RPA3: variants seen among roughly 807,000 people sequenced by gnomAD.
RPA3 encodes the protein replication protein A 14 kDa subunit.
A neutral mutation model predicts 13.7 loss-of-function variants in RPA3; 24 were observed. That is an observed-to-expected ratio of 1.75 (90% CI 1.27 to 2.46). The LOEUF is 2.46. Ranked by LOEUF, RPA3 falls within the 30% of genes most tolerant of loss-of-function variation. The pLI is 0.00. For missense variants in RPA3, 183 were observed against 151.0 expected, an observed-to-expected ratio of 1.21 and a Z score of -1.11; for synonymous variants, 59 against 51.2, an observed-to-expected ratio of 1.15 and a Z score of -0.65.
rs1187878156 is a variant in RPA3 at position 7,645,190 on chromosome 7, G to T, written c.-757-4015C>A. On this transcript the variant is annotated intron_variant, in intron 4 of 7. Coordinates refer to ENST00000223129, the MANE Select transcript of RPA3 (RefSeq NM_002947.5). Reference sequence around the variant, plus strand: ...GAATAATTATAGTTTTGTTTCTTAAGAATTCTTACATATTTTATTTATCTT... The same window carrying T: ...GAATAATTATAGTTTTGTTTCTTAATAATTCTTACATATTTTATTTATCTT... Among the ~76,000 whole-genome samples the T allele has an allele frequency of 2.6e-5, 4 of 151,962 alleles. No homozygotes were observed. In the South Asian group the frequency reaches 6.2e-4, roughly 24 times the overall value.
At chr7:7,698,978 C>G (rs1583750129) in intron 2 of RPA3, among the ~76,000 whole-genome samples, 2 of 151,604 alleles carry the variant, frequency 1.3e-5, no homozygotes, top group Admixed American at 1.3e-4. Flanking sequence ...CTTCAGCCCC[C>G]CAAGTATCTG....
chr7:7,640,162 CA>C (rs1583681078), intron 5 of RPA3, 157 bp downstream of exon 5: 1 of 748,422 alleles, frequency 1.3e-6, no homozygotes, highest in East Asian at 2.6e-5. Context: ...AATGGGGCTA[CA>C]ACGGCTAAAG....
chr7:7,680,969 A>G (rs1483417474), intron 4 of RPA3, among the ~76,000 whole-genome samples: 2 of 152,166 alleles, frequency 1.3e-5, no homozygotes, highest in Non-Finnish European at 2.9e-5. Context: ...CATGGTTAGC[A>G]TATATCCACA....
chr7:7,654,128 A>G (rs981657502), intron 4 of RPA3, among the ~76,000 whole-genome samples: 1 of 152,240 alleles, frequency 6.6e-6, no homozygotes, highest in African/African-American at 2.4e-5. Context: ...CCATAGGACC[A>G]TAGGGCATTC....
intron 4 of RPA3, among the ~76,000 whole-genome samples, chr7:7,642,459 TG>T (rs1348905955): frequency 2.0e-5 from 2 of 102,284 alleles, no homozygotes; most frequent in East Asian, 5.5e-4. Context: ...GTGCGTACCC[TG>T]TAATAGTGAT....
At chr7:7,658,934 C>T (rs1371098389) in intron 4 of RPA3, among the ~76,000 whole-genome samples, 2 of 152,108 alleles carry the variant, frequency 1.3e-5, no homozygotes, top group African/African-American at 4.8e-5. Context: ...CCATCTGTTC[C>T]TGGACTTTTT....
chr7:7,668,206 C>T (rs550755420), intron 4 of RPA3, among the ~76,000 whole-genome samples: 1 of 152,248 alleles, frequency 6.6e-6, no homozygotes, highest in East Asian at 1.9e-4. Flanking sequence ...AGCCACCATG[C>T]CTGGTCCTAC....
intron 4 of RPA3, among the ~76,000 whole-genome samples, chr7:7,651,212 C>G (rs1038359609): frequency 6.6e-6 from 1 of 152,008 alleles, no homozygotes; most frequent in Non-Finnish European, 1.5e-5. Context: ...TACATAGAAA[C>G]CAGAAAGGAC....
intron 2 of RPA3, among the ~76,000 whole-genome samples, chr7:7,711,946 TC>T (rs1563145206): frequency 2.0e-5 from 3 of 152,148 alleles, no homozygotes; most frequent in African/African-American, 7.2e-5. Context: ...GGTATAGCGA[TC>T]CGATTTTAAT....
At chr7:7,701,425 T>C (rs1780459890) in intron 2 of RPA3, among the ~76,000 whole-genome samples, 2 of 152,226 alleles carry the variant, frequency 1.3e-5, no homozygotes, top group Admixed American at 1.3e-4. Context: ...AAATTAGTAA[T>C]ACTGGAACTG....
Position 7,654,124 on chromosome 7 carries a change from G to A in RPA3, c.-757-12949C>T, listed in dbSNP as rs1785288100. Among the ~76,000 whole-genome samples, 3 of 152,150 alleles carry A rather than the reference G, an allele frequency of 2.0e-5. No individual in the cohort carries two copies. In the South Asian group the frequency reaches 6.2e-4, roughly 32 times the overall value. On this transcript the variant is annotated intron_variant, in intron 4 of 7. Coordinates refer to ENST00000223129, the MANE Select transcript of RPA3 (RefSeq NM_002947.5). Reference sequence around the variant, plus strand: ...CCCTTCTTGATTCTGAAAACCATAGGACCATAGGGCATTCAATTAAAAAGA... The same window carrying A: ...CCCTTCTTGATTCTGAAAACCATAGAACCATAGGGCATTCAATTAAAAAGA...
chr7:7,658,284 T>G (rs1785392136), intron 4 of RPA3, among the ~76,000 whole-genome samples: 1 of 152,262 alleles, frequency 6.6e-6, no homozygotes, highest in African/African-American at 2.4e-5. Context: ...CCTCTTTTCC[T>G]ATTCGAATAC....
chr7:7,646,577 C>A (rs534643332), intron 4 of RPA3, among the ~76,000 whole-genome samples: 1 of 149,562 alleles, frequency 6.7e-6, no homozygotes, highest in African/African-American at 2.5e-5. Context: ...TCCCCAGCCA[C>A]GTGGAACTGT....
At chr7:7,679,925 T>C (rs1012262175) in intron 4 of RPA3, among the ~76,000 whole-genome samples, 1 of 151,916 alleles carries the variant, frequency 6.6e-6, no homozygotes, top group African/African-American at 2.4e-5. Flanking sequence ...GTTCCTTATA[T>C]ATACTGATTG....
intron 4 of RPA3, chr7:7,673,331 CAGCAG>C: frequency 1.7e-6 from 2 of 1,187,212 alleles, no homozygotes; most frequent in Non-Finnish European, 2.4e-6. Context: ...GCAGCAGCAG[CAGCAG>C]CAGCAGCAGC....
intron 4 of RPA3, among the ~76,000 whole-genome samples, chr7:7,663,656 T>C (rs1785532546): frequency 6.6e-6 from 1 of 152,198 alleles, no homozygotes; most frequent in Non-Finnish European, 1.5e-5. Flanking sequence ...AGAGAACTAG[T>C]GAGATACTGC....
intron 2 of RPA3, among the ~76,000 whole-genome samples, chr7:7,713,897 C>T (rs1780827166): frequency 6.6e-6 from 1 of 152,074 alleles, no homozygotes; most frequent in Admixed American, 6.5e-5. Context: ...GTGGTGTGAC[C>T]ACAGACAGCT....
intron 2 of RPA3, among the ~76,000 whole-genome samples, chr7:7,699,016 A>C (rs1338694584): frequency 1.4e-5 from 2 of 146,524 alleles, no homozygotes; most frequent in Non-Finnish European, 3.0e-5. Context: ...CATCATGCCC[A>C]GTTAATTTTT....
At chr7:7,670,614 A>C (rs1478948833) in intron 4 of RPA3, among the ~76,000 whole-genome samples, 1 of 152,206 alleles carries the variant, frequency 6.6e-6, no homozygotes, top group Non-Finnish European at 1.5e-5. Flanking sequence ...ATTCAGATAT[A>C]GCATCATGCT....
Sources: allele counts gnomAD v4.1 joint callset (sites outside exome capture counted in the v4.1 genomes callset), GRCh38; gene constraint gnomAD v4.1.1; transcripts MANE v1.5; gene names NCBI Gene and HGNC (gene_info 2026-07-23, HGNC 2026-07-21).